The following PKHD1L1 variants were observed in gnomAD, a reference collection of about 807,000 sequenced individuals.
The protein encoded by PKHD1L1 is fibrocystin-L.
In PKHD1L1, 434 loss-of-function variants were observed where a neutral mutation model predicts 462.9. The observed-to-expected ratio is 0.94, with a 90% CI of 0.87 to 1.02. The LOEUF is 1.02. PKHD1L1 is among the 50% of genes least tolerant of loss of function. The pLI, the probability that PKHD1L1 is intolerant of heterozygous loss-of-function variation, is 0.00. For missense variants in PKHD1L1, 5,202 were observed against 5,096.1 expected (o/e 1.02, Z -0.63); for synonymous variants, 1,781 against 1,750.0 (o/e 1.02, Z -0.44).
chr8:109,446,149 T>C (rs1183941351), intron 38 of PKHD1L1, among the ~76,000 whole-genome samples: 1 of 152,212 alleles, frequency 6.6e-6, no homozygotes, highest in African/African-American at 2.4e-5. Flanking sequence ...TTTTCTTAAT[T>C]ACTTAGCATG....
intron 47 of PKHD1L1, 44 bp downstream of exon 47, chr8:109,459,880 G>T: frequency 6.6e-7 from 1 of 1,519,052 alleles, no homozygotes; most frequent in Non-Finnish European, 8.8e-7. Flanking sequence ...ATGCCATATA[G>T]TTTTACAATT....
rs766418885 is a variant in PKHD1L1 at position 109,452,888 on chromosome 8, T to C, written c.6664+14T>C. 21 of 1,385,062 alleles carry C rather than the reference T, an allele frequency of 1.5e-5. No individual in the cohort carries two copies. The highest frequency in any genetic ancestry group is 5.7e-6 in the Non-Finnish European group (6 of 1,056,998). 85.8% of individuals were successfully genotyped at this position (1,385,062 alleles called of 1,614,324 possible). A position where few individuals can be genotyped will look rare whatever the true frequency, so the allele number is the denominator to read the frequency against. ...TGCTTATTCAGGGTAAATTTCTGAA[T>C]ATCTGTTCATTGGACTCTGCCTGAT... On this transcript the variant is annotated intron_variant, in intron 43 of 77. Transcript: ENST00000378402.
chr8:109,491,730 C>T (rs571330988), intron 61 of PKHD1L1, 143 bp from the exon 62 acceptor site: 53 of 751,748 alleles, frequency 7.1e-5, no homozygotes, highest in South Asian at 6.5e-4. Flanking sequence ...AAGACTCCTT[C>T]GAAACTCTAA....
At chr8:109,467,666 A>G (rs954264345) in intron 50 of PKHD1L1, among the ~76,000 whole-genome samples, 3 of 152,246 alleles carry the variant, frequency 2.0e-5, no homozygotes, top group East Asian at 3.9e-4. Flanking sequence ...TCTAGAAATT[A>G]TTAGTTAAAA....
At position 109,477,277 on chromosome 8, in the gene PKHD1L1, T is replaced by C. The variant is rs1225545803; in HGVS notation, c.8970T>C (p.Asp2990=). 14 of 1,613,440 alleles carry C rather than the reference T, an allele frequency of 8.7e-6. No individual in the cohort carries two copies. The highest frequency in any genetic ancestry group is 1.2e-5 in the Non-Finnish European group (14 of 1,179,664). The change falls in exon 53 of 78, where the codon GAT becomes GAC. Residue 2990 remains aspartate, a synonymous_variant. Coordinates refer to ENST00000378402, the MANE Select transcript of PKHD1L1 (RefSeq NM_177531.6). The part of the protein sequence containing the change: ...HQSQLISGNL[D]PDVKDVVINF... ...GTCAGCTCATTTCTGGGAACCTGGATCCTGATGTGAAAGACGTTGTTATTA... is the reference window on the plus strand; with the variant it reads ...GTCAGCTCATTTCTGGGAACCTGGACCCTGATGTGAAAGACGTTGTTATTA...
intron 12 of PKHD1L1, among the ~76,000 whole-genome samples, chr8:109,399,796 G>C (rs1813176986): frequency 6.6e-6 from 1 of 151,998 alleles, no homozygotes; most frequent in African/African-American, 2.4e-5. Flanking sequence ...TTTTACATGT[G>C]TATTATACAT....
At chr8:109,529,977 GTA>G in intron 77 of PKHD1L1, 101 bp from the exon 78 acceptor site, 1 of 690,668 alleles carries the variant, frequency 1.4e-6, no homozygotes. Context: ...ACTGCTAACT[GTA>G]CCATAAAAAT....
intron 77 of PKHD1L1, 87 bp downstream of exon 77, chr8:109,527,107 C>A: frequency 9.0e-7 from 1 of 1,110,500 alleles, no homozygotes; most frequent in Non-Finnish European, 1.3e-6. Flanking sequence ...AGCTCTTGTG[C>A]ATGATATCAC....
chr8:109,485,471 G>A (rs990975309), intron 58 of PKHD1L1, among the ~76,000 whole-genome samples: 4 of 151,940 alleles, frequency 2.6e-5, no homozygotes, highest in African/African-American at 9.7e-5. Context: ...TGTGCACGCT[G>A]AAATTTGAGG....
chr8:109,482,445 T>TA (rs913020838), intron 56 of PKHD1L1, among the ~76,000 whole-genome samples: 1 of 151,824 alleles, frequency 6.6e-6, no homozygotes, highest in African/African-American at 2.4e-5. Flanking sequence ...TAGAATTAGT[T>TA]AAAAATTTTT....
rs190926203 is a variant in PKHD1L1, at chr8:109,502,564, G to T, written c.10829-1763G>T. On this transcript the variant is annotated intron_variant, in intron 67 of 77. Transcript: ENST00000378402. Reference sequence around the variant, plus strand: ...GCCTTTGATGTAGGGGATTTGGTAGGTCTCAGAACCCAACCATCTCTTAAG... The same window carrying T: ...GCCTTTGATGTAGGGGATTTGGTAGTTCTCAGAACCCAACCATCTCTTAAG... Among the ~76,000 whole-genome samples the T allele has an allele frequency of 1.0e-3, 156 of 152,272 alleles. 4 individuals are homozygous for T. The highest frequency in any genetic ancestry group is 5.9e-4 in the Admixed American group (9 of 15,294).
In PKHD1L1 at chr8:109,526,727, T is replaced by C. The variant is rs570885741; in HGVS notation, c.12485-57T>C. On this transcript the variant is annotated intron_variant, in intron 76 of 77. Coordinates refer to ENST00000378402, the MANE Select transcript of PKHD1L1 (RefSeq NM_177531.6). ...GTCAATGAAAATCAAATGGGAACGG[T>C]ATGAAAACAAGTAAAACATAAAGGA... 11 of 1,387,702 alleles carry C rather than the reference T, an allele frequency of 7.9e-6. 1 individual carries two copies. The highest frequency in any genetic ancestry group is 2.9e-5 in the African/African-American group (2 of 69,172). The allele number at this position is 1,387,702 out of a possible 1,614,324, so 86.0% of individuals were successfully genotyped here.
intron 6 of PKHD1L1, among the ~76,000 whole-genome samples, chr8:109,387,144 G>A (rs901295325): frequency 6.6e-6 from 1 of 152,092 alleles, no homozygotes; most frequent in Non-Finnish European, 1.5e-5. Flanking sequence ...GAGAGCAATG[G>A]GCTGTGTTCT....
intron 22 of PKHD1L1, among the ~76,000 whole-genome samples, chr8:109,420,133 C>A (rs1255640698): frequency 6.6e-6 from 1 of 152,062 alleles, no homozygotes; most frequent in African/African-American, 2.4e-5. Context: ...TTTGTCCTGC[C>A]CTCATGAAGC....
intron 25 of PKHD1L1, among the ~76,000 whole-genome samples, chr8:109,427,762 A>G (rs1814845386): frequency 6.6e-6 from 1 of 152,124 alleles, no homozygotes; most frequent in Admixed American, 6.5e-5. Flanking sequence ...ACAGTGGCTC[A>G]TGCCTGTAAT....
chr8:109,487,431 C>G (rs1157429398), intron 59 of PKHD1L1, among the ~76,000 whole-genome samples: 1 of 145,852 alleles, frequency 6.9e-6, no homozygotes, highest in Non-Finnish European at 1.5e-5. Context: ...TCCCCAGTAT[C>G]CTCCCTCCCT....
intron 38 of PKHD1L1, among the ~76,000 whole-genome samples, chr8:109,446,364 G>A (rs1299207336): frequency 6.6e-6 from 1 of 152,066 alleles, no homozygotes. Flanking sequence ...AATTTCCAGC[G>A]ATGAAATTTT....
chr8:109,454,805 A>T lies in PKHD1L1; in HGVS notation c.6827A>T (p.Tyr2276Phe). The T allele has an allele frequency of 6.2e-7, 1 of 1,613,806 alleles. No homozygotes were observed. The highest frequency in any genetic ancestry group is 8.5e-7 in the Non-Finnish European group (1 of 1,179,780). The change falls in exon 45 of 78, where the codon TAT (tyrosine) becomes TTT (phenylalanine). Residue 2276 changes from tyrosine to phenylalanine, a missense_variant. Tyr to Phe is a conservative substitution (Grantham distance 22, BLOSUM62 3). This residue lies in a region of PKHD1L1 where 4,497 missense variants were observed against 4,336.8 expected (regional missense o/e 1.04). Coordinates refer to ENST00000378402, the MANE Select transcript of PKHD1L1 (RefSeq NM_177531.6). ...CTGCGATCTCCTGAGCTCCCTGTCTATGGTGCCAAAACACTGGCTGTGCGG... is the reference window on the plus strand; with the variant it reads ...CTGCGATCTCCTGAGCTCCCTGTCTTTGGTGCCAAAACACTGGCTGTGCGG... ...GHLRSPELPV[Y>F]GAKTLAVREG...
chr8:109,483,065 G>A lies in PKHD1L1; in HGVS notation c.9536G>A (p.Gly3179Asp). Residue 3179 changes from glycine to aspartate, a missense_variant, in exon 57 of 78, where the codon GGT becomes GAT. By Grantham distance (94) the Gly-to-Asp change is moderately conservative. Around this residue, in one of 3 missense-constraint regions of PKHD1L1, gnomAD observed 4,497 missense variants for 4,336.8 expected, o/e 1.04. Coordinates refer to ENST00000378402, the MANE Select transcript of PKHD1L1 (RefSeq NM_177531.6). ...AAGCTCTCAGAAACTGCATTTGCAG[G>A]TTCCAAAGTCCTGTCTCTGATGGAT... The part of the protein sequence containing the change: ...KTKLSETAFA[G>D]SKVLSLMDAV... 1 of 1,601,456 alleles carries A rather than the reference G, an allele frequency of 6.2e-7. No homozygotes were observed. The highest frequency in any genetic ancestry group is 8.5e-7 in the Non-Finnish European group (1 of 1,173,960).
Sources: gnomAD v4.1 joint callset for allele counts (sites outside exome capture counted in the v4.1 genomes callset) on GRCh38, gnomAD v4.1.1 for gene constraint, gnomAD v4.1.1 regional missense constraint, MANE v1.5 for transcripts, NCBI Gene and HGNC (gene_info 2026-07-23, HGNC 2026-07-21) for gene names.